The following ST3GAL4 variants were observed in gnomAD, a reference collection of about 807,000 sequenced individuals.
ST3GAL4 encodes the protein ST3 beta-galactoside alpha-2,3-sialyltransferase 4, also known as CMP-N-acetylneuraminate-beta-galactosamide-alpha-2,3-sialyltransferase 4.
A neutral mutation model predicts 42.6 loss-of-function variants in ST3GAL4; 24 were observed. The observed-to-expected ratio is 0.56, with a 90% CI of 0.41 to 0.79. The LOEUF (loss-of-function observed/expected upper bound fraction) is 0.79, where lower values mean the gene tolerates loss of function less well. Among genes scored for constraint, ST3GAL4 ranks in the 30% least tolerant of loss-of-function variants. The probability of loss-of-function intolerance (pLI) is 0.00; values close to 1 mark genes in which losing one functional copy is unlikely to be tolerated. For missense variants in ST3GAL4, 311 were observed against 430.8 expected, an observed-to-expected ratio of 0.72 and a Z score of 2.46; for synonymous variants, 135 against 163.2, an observed-to-expected ratio of 0.83 and a Z score of 1.32.
At chr11:126,390,294 C>A (rs552149564) in intron 1 of ST3GAL4, among the ~76,000 whole-genome samples, 77 of 151,346 alleles carry the variant, frequency 5.1e-4, no homozygotes, top group Admixed American at 1.5e-3. Flanking sequence ...GTGTATATAG[C>A]CATGGCTGTA....
chr11:126,413,851 G>A (rs951430441), intron 10 of ST3GAL4, 110 bp from the exon 11 acceptor site: 4 of 1,438,372 alleles, frequency 2.8e-6, no homozygotes, highest in Non-Finnish European at 3.8e-6. Context: ...CCAGCCTGGG[G>A]AAGGGAGCTC....
In ST3GAL4 at chr11:126,391,943, G is replaced by A. The variant is rs901906258; in HGVS notation, c.-60-14153G>A. ...CACCTGTGATAACTTGGTCGTGTGTGTGTGTGTGTGTGTGTGTGTGTGTGT... is the reference window on the plus strand; with the variant it reads ...CACCTGTGATAACTTGGTCGTGTGTATGTGTGTGTGTGTGTGTGTGTGTGT... On this transcript the variant is annotated intron_variant, in intron 1 of 10. Coordinates refer to ENST00000444328, the MANE Select transcript of ST3GAL4 (RefSeq NM_001254757.2). This position sits in a 1 kb window ranked among gnomAD's most constrained non-coding sequence, Gnocchi z 5.5. Among the ~76,000 whole-genome samples, 12 of 132,136 alleles carry A rather than the reference G, an allele frequency of 9.1e-5. No individual in the cohort carries two copies. The South Asian group carries it at 1.4e-3, about 16-fold the overall frequency. 86.7% of individuals were successfully genotyped at this position (132,136 alleles called of 152,430 possible).
intron 1 of ST3GAL4, among the ~76,000 whole-genome samples, chr11:126,377,231 C>T (rs953455997): frequency 3.3e-5 from 5 of 150,846 alleles, no homozygotes; most frequent in African/African-American, 7.3e-5. Context: ...AGTGTAGTGG[C>T]GCAATCTCAG....
In ST3GAL4 at chr11:126,407,435, C is replaced by T. The variant is rs1954290051; in HGVS notation, c.280+86C>T. ...CTCTGCCGTCCACGGCCCCAGTGCC[C>T]AAGTTCTGAGCCTGACTCGGGTACC... On this transcript the variant is annotated intron_variant, in intron 5 of 10. Transcript: ENST00000444328. The T allele has an allele frequency of 3.2e-6, 5 of 1,566,298 alleles. No individual in the cohort carries two copies. The African/African-American group carries it at 5.4e-5, about 17-fold the overall frequency.
At chr11:126,357,544 T>G (rs1192732466) in intron 1 of ST3GAL4, among the ~76,000 whole-genome samples, 2 of 152,138 alleles carry the variant, frequency 1.3e-5, no homozygotes, top group Non-Finnish European at 2.9e-5. Flanking sequence ...TGACTGGCCC[T>G]CTGCTTCTCA....
rs536406153 is a variant in ST3GAL4 at position 126,406,773 on chromosome 11, C to T, written c.102-170C>T. On this transcript the variant is annotated intron_variant, in intron 3 of 10. Transcript: ENST00000444328. The surrounding 1 kb of genome is among the most constrained non-coding windows in gnomAD (Gnocchi z 5.4). ...GGCCCTCACCCAGGGAGTGCAGGGG[C>T]AGGAAGACCTGGATCCTCAAGGACT... is the stretch of plus-strand genomic sequence containing the variant. The T allele has an allele frequency of 3.3e-6, 3 of 918,464 alleles. No individual in the cohort carries two copies. The highest frequency in any genetic ancestry group is 1.7e-5 in the African/African-American group (1 of 60,194). 56.9% of individuals were successfully genotyped at this position (918,464 alleles called of 1,614,324 possible).
chr11:126,412,784 C>G (rs542285278), intron 9 of ST3GAL4, among the ~76,000 whole-genome samples: 1 of 152,358 alleles, frequency 6.6e-6, no homozygotes, highest in East Asian at 1.9e-4. Flanking sequence ...GGGCAGAACA[C>G]TTCCTTTCCT....
chr11:126,360,735 T>C (rs936956941), intron 1 of ST3GAL4, among the ~76,000 whole-genome samples: 1 of 152,214 alleles, frequency 6.6e-6, no homozygotes, highest in African/African-American at 2.4e-5. Context: ...CGTGTCTGTC[T>C]TGTTCACTGG....
chr11:126,395,108 G>A (rs1385346934), intron 1 of ST3GAL4, among the ~76,000 whole-genome samples: 1 of 152,182 alleles, frequency 6.6e-6, no homozygotes, highest in Admixed American at 6.5e-5. Flanking sequence ...GCCAGGGGCT[G>A]TGCCACAGGG....
In ST3GAL4 at chr11:126,407,159, A is replaced by C. The variant is rs1954274702; in HGVS notation, c.183-93A>C. ...TTAGGTGAAGCCAGGGAGGGAAGAG[A>C]AGGCCTTATAATATTAGTCATGGGC... On this transcript the variant is annotated intron_variant, in intron 4 of 10. Transcript: ENST00000444328. 7 of 1,494,548 alleles carry C rather than the reference A, an allele frequency of 4.7e-6. No individual in the cohort carries two copies. In the African/African-American group the frequency reaches 8.3e-5, roughly 18 times the overall value. The allele number at this position is 1,494,548 out of a possible 1,614,324, so 92.6% of individuals were successfully genotyped here.
At chr11:126,372,088 T>C (rs1184704169) in intron 1 of ST3GAL4, among the ~76,000 whole-genome samples, 4 of 152,254 alleles carry the variant, frequency 2.6e-5, no homozygotes, top group African/African-American at 9.6e-5. Context: ...TTGACCGTCT[T>C]AACCCTTTTT....
chr11:126,361,538 A>C (rs913777470), intron 1 of ST3GAL4, among the ~76,000 whole-genome samples: 1 of 151,980 alleles, frequency 6.6e-6, no homozygotes, highest in African/African-American at 2.4e-5. Flanking sequence ...AATGTCCTTC[A>C]GTATCAACTG....
chr11:126,389,480 C>A (rs971515416), intron 1 of ST3GAL4, among the ~76,000 whole-genome samples: 1 of 152,220 alleles, frequency 6.6e-6, no homozygotes, highest in Non-Finnish European at 1.5e-5. Flanking sequence ...ATCATACACA[C>A]AAGCACACAC....
In ST3GAL4 at chr11:126,396,027, C is replaced by T. The variant is rs1451297613; in HGVS notation, c.-60-10069C>T. Among the ~76,000 whole-genome samples, 1 of 151,014 alleles carries T rather than the reference C, an allele frequency of 6.6e-6. No individual in the cohort carries two copies. Among genetic ancestry groups the T allele is most frequent in the Admixed American group, 6.6e-5 (1 of 15,204 alleles). On this transcript the variant is annotated intron_variant, in intron 1 of 10. Coordinates refer to ENST00000444328, the MANE Select transcript of ST3GAL4 (RefSeq NM_001254757.2). This position sits in a 1 kb window ranked among gnomAD's most constrained non-coding sequence, Gnocchi z 5.8. The stretch of plus-strand genomic sequence containing the variant: ...GGCTGAGGAGGAGTTTTACAGATGA[C>T]CGGTCTGTTCTTGGCACTTGCAATT...
intron 1 of ST3GAL4, among the ~76,000 whole-genome samples, chr11:126,389,705 A>G (rs975738930): frequency 2.0e-5 from 3 of 152,134 alleles, no homozygotes; most frequent in African/African-American, 7.2e-5. Flanking sequence ...AGGAACTGGG[A>G]TAATCACAGT....
At chr11:126,413,845 C>A in intron 10 of ST3GAL4, 116 bp from the exon 11 acceptor site, 1 of 1,422,184 alleles carries the variant, frequency 7.0e-7, no homozygotes, top group Non-Finnish European at 9.7e-7. Context: ...CAAGAGCCAG[C>A]CTGGGGAAGG....
chr11:126,395,839 T>C (rs1427168395), intron 1 of ST3GAL4, among the ~76,000 whole-genome samples: 2 of 152,172 alleles, frequency 1.3e-5, no homozygotes, highest in East Asian at 1.9e-4. Flanking sequence ...GTCTCGTGCA[T>C]GTCTTTATCA....
At chr11:126,413,693 GCAGA>G (rs1213876953) in intron 10 of ST3GAL4, 45 bp downstream of exon 10, 3 of 1,607,818 alleles carry the variant, frequency 1.9e-6, no homozygotes, top group Non-Finnish European at 2.6e-6. Flanking sequence ...GCGTGGACGG[GCAGA>G]CAGTCAGAGG....
At chr11:126,368,727 A>G (rs907377333) in intron 1 of ST3GAL4, among the ~76,000 whole-genome samples, 28 of 152,202 alleles carry the variant, frequency 1.8e-4, no homozygotes, top group African/African-American at 6.8e-4. Flanking sequence ...GGCATGGAGA[A>G]AGACAAACAC....
Sources: allele counts gnomAD v4.1 joint callset (sites outside exome capture counted in the v4.1 genomes callset), GRCh38; gene constraint gnomAD v4.1.1; non-coding constraint Gnocchi (gnomAD v3.1); transcripts MANE v1.5; gene names NCBI Gene and HGNC (gene_info 2026-07-23, HGNC 2026-07-21).